Variants in PLEKHA3 observed in about 807,000 individuals in gnomAD.
PLEKHA3 encodes the protein pleckstrin homology domain-containing family A member 3.
In PLEKHA3, 19 loss-of-function variants were observed where a neutral mutation model predicts 39.2. The ratio of observed to expected loss-of-function variants is 0.48; its 90% CI spans 0.34 to 0.71. The LOEUF is 0.71. Ranked by LOEUF, PLEKHA3 falls within the 30% of genes least tolerant of loss-of-function variation. The pLI is 0.01. For synonymous variants in PLEKHA3, 97 were observed against 118.6 expected (o/e 0.82, Z 1.18); for missense variants, 253 against 359.5 (o/e 0.70, Z 2.40).
chr2:178,493,392 G>A (rs924409900), intron 3 of PLEKHA3, among the ~76,000 whole-genome samples: 4 of 152,158 alleles, frequency 2.6e-5, no homozygotes, highest in African/African-American at 9.7e-5. Flanking sequence ...AACAGATCTG[G>A]ATAAGGTATT....
At chr2:178,497,451 C>T (rs545244326) in intron 5 of PLEKHA3, among the ~76,000 whole-genome samples, 7 of 152,014 alleles carry the variant, frequency 4.6e-5, no homozygotes, top group African/African-American at 1.2e-4. Flanking sequence ...AGGATGGTCT[C>T]GATCTCCTGA....
intron 2 of PLEKHA3, among the ~76,000 whole-genome samples, chr2:178,489,578 C>T (rs558780825): frequency 2.0e-5 from 3 of 150,558 alleles, no homozygotes; most frequent in East Asian, 2.0e-4. Flanking sequence ...CTCAGCCTTC[C>T]GCCTCCCAAG....
In PLEKHA3 at chr2:178,483,591, A is replaced by G. The variant is rs879151439; in HGVS notation, c.41-2050A>G. ...AAGAGATATTGAATTGCAGTACTGC[A>G]GGCTTGCAAAATCATAATTTGTCCT... On this transcript the variant is annotated intron_variant, in intron 1 of 7. Transcript: ENST00000234453. Among the ~76,000 whole-genome samples, 6 of 152,206 alleles carry G rather than the reference A, an allele frequency of 3.9e-5. No individual in the cohort carries two copies. The South Asian group carries it at 1.0e-3, about 26-fold the overall frequency.
At chr2:178,497,295 A>C (rs987970143) in intron 5 of PLEKHA3, among the ~76,000 whole-genome samples, 2 of 151,900 alleles carry the variant, frequency 1.3e-5, no homozygotes, top group Non-Finnish European at 2.9e-5. Context: ...CAGTGGCGCA[A>C]TCTCAGCTCA....
chr2:178,495,124 T>A (rs981664680), intron 4 of PLEKHA3, among the ~76,000 whole-genome samples: 3 of 152,156 alleles, frequency 2.0e-5, no homozygotes, highest in African/African-American at 4.8e-5. Flanking sequence ...TGCCACTAAT[T>A]AACTCTAAGG....
intron 5 of PLEKHA3, among the ~76,000 whole-genome samples, chr2:178,496,230 T>G (rs1057138125): frequency 1.3e-5 from 2 of 152,220 alleles, no homozygotes; most frequent in African/African-American, 4.8e-5. Flanking sequence ...TGTTAGTTTC[T>G]TACTTCCTTA....
At chr2:178,501,036 TTA>T (rs1352118590) in intron 6 of PLEKHA3, 23 bp from the exon 7 acceptor site, 1 of 1,497,844 alleles carries the variant, frequency 6.7e-7, no homozygotes, top group Non-Finnish European at 9.2e-7. Context: ...GCCTTACAAT[TTA>T]ATGCTTTTTA....
intron 4 of PLEKHA3, among the ~76,000 whole-genome samples, chr2:178,495,103 A>T (rs1023253748): frequency 1.3e-5 from 2 of 152,176 alleles, no homozygotes; most frequent in Admixed American, 6.5e-5. Flanking sequence ...GAGGGTAGGC[A>T]TGAATTGTAC....
At chr2:178,502,847 C>G (rs1685547315) in intron 7 of PLEKHA3, among the ~76,000 whole-genome samples, 2 of 151,584 alleles carry the variant, frequency 1.3e-5, no homozygotes, top group Non-Finnish European at 3.0e-5. Context: ...TAGTTCACTT[C>G]TCTAGAACAT....
chr2:178,485,111 A>T (rs1685228241), intron 1 of PLEKHA3, among the ~76,000 whole-genome samples: 1 of 152,264 alleles, frequency 6.6e-6, no homozygotes, highest in South Asian at 2.1e-4. Flanking sequence ...GCAGAATTAG[A>T]GGGCTAGGTG....
chr2:178,489,648 A>G (rs538046670), intron 2 of PLEKHA3, among the ~76,000 whole-genome samples: 1 of 151,988 alleles, frequency 6.6e-6, no homozygotes, highest in South Asian at 2.1e-4. Flanking sequence ...CTAAACGAGT[A>G]TGAATATTAC....
chr2:178,489,056 T>C, intron 2 of PLEKHA3: 1 of 411,296 alleles, frequency 2.4e-6, no homozygotes, highest in Non-Finnish European at 4.9e-6. Flanking sequence ...TTTCATCTTG[T>C]AGCAACATCA....
At chr2:178,489,451 C>CTTTTTTTTTTT (rs71023445) in intron 2 of PLEKHA3, among the ~76,000 whole-genome samples, 3 of 82,370 alleles carry the variant, frequency 3.6e-5, no homozygotes, top group South Asian at 4.8e-4. Context: ...TCTTTTCCTT[C>CTTTTTTTTTTT]TTTTTTTTTT....
intron 2 of PLEKHA3, among the ~76,000 whole-genome samples, chr2:178,486,379 T>A (rs992892892): frequency 6.6e-6 from 1 of 152,206 alleles, no homozygotes; most frequent in Non-Finnish European, 1.5e-5. Flanking sequence ...TGAAAAGGAC[T>A]GAATTCTTCA....
At chr2:178,487,658 G>A (rs1305083072) in intron 2 of PLEKHA3, among the ~76,000 whole-genome samples, 1 of 152,016 alleles carries the variant, frequency 6.6e-6, no homozygotes, top group African/African-American at 2.4e-5. Context: ...AAACCAGGCT[G>A]GTCTTGAACT....
intron 2 of PLEKHA3, among the ~76,000 whole-genome samples, chr2:178,488,740 T>C (rs1685297410): frequency 6.6e-6 from 1 of 152,244 alleles, no homozygotes; most frequent in Non-Finnish European, 1.5e-5. Context: ...TAGAACTTGC[T>C]TATAAATTTC....
Position 178,504,750 on chromosome 2 carries a change from G to A in PLEKHA3, c.*863G>A, listed in dbSNP as rs1685580198. The A allele has an allele frequency of 6.6e-6, 1 of 152,114 alleles. No homozygotes were observed. Among genetic ancestry groups the A allele is most frequent in the South Asian group, 2.1e-4 (1 of 4,822 alleles). 9.4% of individuals were successfully genotyped at this position (152,114 alleles called of 1,614,324 possible). A position where few individuals can be genotyped will look rare whatever the true frequency, so the allele number is the denominator to read the frequency against. ...TATTAAGCTGCTGTTGTAAAGTATT[G>A]TTTGCAGCTCTTTCCAATATCTAGA... On this transcript the variant is annotated 3_prime_UTR_variant, in exon 8 of 8. Coordinates refer to ENST00000234453, the MANE Select transcript of PLEKHA3 (RefSeq NM_019091.4).
rs71023446 is a variant in PLEKHA3, at chr2:178,508,050, GGT to G, written c.*4201_*4202del. 70,991 of 142,074 alleles carry G rather than the reference GGT, an allele frequency of 0.5. 17,474 individuals carry two copies. The highest frequency in any genetic ancestry group is 0.62 in the Middle Eastern group (171 of 278). The allele number at this position is 142,074 out of a possible 1,614,324, so 8.8% of individuals were successfully genotyped here. On this transcript the variant is annotated 3_prime_UTR_variant, in exon 8 of 8. Coordinates refer to ENST00000234453, the MANE Select transcript of PLEKHA3 (RefSeq NM_019091.4). ...TAGAGATTTGTCTGCTTCAGTTCTG[GGT>G]GTGTGTGTGTGTGTGTGTGTGTGTG...
chr2:178,502,424 A>G, intron 7 of PLEKHA3: 1 of 404,362 alleles, frequency 2.5e-6, no homozygotes, highest in South Asian at 1.9e-5. Context: ...CTGGAAGAGA[A>G]GAGGAGGAGA....
Sources: gnomAD v4.1 joint callset for allele counts (sites outside exome capture counted in the v4.1 genomes callset) on GRCh38, gnomAD v4.1.1 for gene constraint, MANE v1.5 for transcripts, NCBI Gene and HGNC (gene_info 2026-07-23, HGNC 2026-07-21) for gene names.